The following DLK1 variants were observed in gnomAD, a reference collection of about 807,000 sequenced individuals.
DLK1 encodes the protein protein delta homolog 1.
A neutral mutation model predicts 35.2 loss-of-function variants in DLK1; 9 were observed. The observed-to-expected ratio is 0.26, with a 90% CI of 0.15 to 0.45. The LOEUF is 0.45. Ranked by LOEUF, DLK1 falls within the 20% of genes least tolerant of loss-of-function variation. The probability of loss-of-function intolerance (pLI) is 1.00; values close to 1 mark genes in which losing one functional copy is unlikely to be tolerated. For synonymous variants in DLK1, 231 were observed against 228.4 expected (o/e 1.01, Z -0.10); for missense variants, 522 against 528.5 (o/e 0.99, Z 0.12).
chr14:100,730,039 A>G (rs2036489603), intron 3 of DLK1, among the ~76,000 whole-genome samples: 1 of 152,216 alleles, frequency 6.6e-6, no homozygotes, highest in South Asian at 2.1e-4. Context: ...TCCTTCCTTA[A>G]GGAACACCTA....
Position 100,734,043 on chromosome 14 carries a change from C to T in DLK1, c.405-106C>T. On this transcript the variant is annotated intron_variant, in intron 4 of 4. Transcript: ENST00000341267. The surrounding 1 kb of genome is among the most constrained non-coding windows in gnomAD (Gnocchi z 7.4). ...CATTCACCTGATGTGTTTTAAGCAC[C>T]TGCCCCTTAGTCAGGCCAGGGACCT... 2 of 1,415,946 alleles carry T rather than the reference C, an allele frequency of 1.4e-6. No homozygotes were observed. The highest frequency in any genetic ancestry group is 1.9e-6 in the Non-Finnish European group (2 of 1,065,642). The allele number at this position is 1,415,946 out of a possible 1,614,324, so 87.7% of individuals were successfully genotyped here.
intron 2 of DLK1, 21 bp from the exon 3 acceptor site, chr14:100,728,915 T>A (rs1362271427): frequency 6.2e-7 from 1 of 1,612,324 alleles, no homozygotes; most frequent in South Asian, 1.1e-5. Context: ...TGTCCCCACC[T>A]TTCTCCCCCA....
In DLK1 at chr14:100,732,181, C is replaced by T. The variant is rs150016759; in HGVS notation, c.402C>T (p.Asn134=). 7.7e-4 allele frequency: 1,238 copies of T among 1,612,680 alleles called. 2 individuals are homozygous for T. The highest frequency in any genetic ancestry group is 9.6e-4 in the Admixed American group (57 of 59,658). ...AAAAGGACGGGCCCTGTGTGATCAA[C>T]GGGTAAATATCCTTCCTGTGTGTGA... ...CQKKDGPCVI[N]GSPCQHGGTC... The change falls in exon 4 of 5, where the codon AAC becomes AAT. Residue 134 remains asparagine (N), a splice_region_variant and synonymous_variant. Transcript: ENST00000341267.
rs78420139 is a variant in DLK1, at chr14:100,735,350, G to A, written c.*454G>A. On this transcript the variant is annotated 3_prime_UTR_variant, in exon 5 of 5. Coordinates refer to ENST00000341267, the MANE Select transcript of DLK1 (RefSeq NM_003836.7). Reference sequence around the variant, plus strand: ...TCGTTAATTCTCACACACCACATCCGACTCGCACTCACATCCAGCTCAACA... The same window carrying A: ...TCGTTAATTCTCACACACCACATCCAACTCGCACTCACATCCAGCTCAACA... 0.036 allele frequency: 5,531 copies of A among 154,514 alleles called. 169 individuals carry two copies. The highest frequency in any genetic ancestry group is 0.053 in the Non-Finnish European group (3,718 of 69,778). 9.6% of individuals were successfully genotyped at this position (154,514 alleles called of 1,614,324 possible).
rs2036595067 is a variant in DLK1 at position 100,738,170 on chromosome 14, A to G, written c.*3274A>G. 6.6e-6 allele frequency: 1 copy of G among 152,232 alleles called. No homozygotes were observed. Among genetic ancestry groups the G allele is most frequent in the Non-Finnish European group, 1.5e-5 (1 of 68,044 alleles). 9.4% of individuals were successfully genotyped at this position (152,232 alleles called of 1,614,324 possible). A position where few individuals can be genotyped will look rare whatever the true frequency, so the allele number is the denominator to read the frequency against. On this transcript the variant is annotated 3_prime_UTR_variant, in exon 5 of 5. Coordinates refer to ENST00000341267, the MANE Select transcript of DLK1 (RefSeq NM_003836.7). ...CTTTTTAGCTTTCCCGTTTACTACC[A>G]GTCCAGACATGCAAAAAAACCTTGT...
chr14:100,734,936 G>A lies in DLK1; in HGVS notation c.*40G>A, dbSNP rs7501. 1,929 of 1,530,392 alleles carry A rather than the reference G, an allele frequency of 1.3e-3. 14 individuals carry two copies. The highest frequency in any genetic ancestry group is 9.3e-3 in the South Asian group (734 of 79,238). 94.8% of individuals were successfully genotyped at this position (1,530,392 alleles called of 1,614,324 possible). Reference sequence around the variant, plus strand: ...GCCCCCTCTAGATTCTTGGAGTTCCGCAGAGCTTACTATACGCGGTCTGTC... The same window carrying A: ...GCCCCCTCTAGATTCTTGGAGTTCCACAGAGCTTACTATACGCGGTCTGTC... On this transcript the variant is annotated 3_prime_UTR_variant, in exon 5 of 5. Coordinates refer to ENST00000341267, the MANE Select transcript of DLK1 (RefSeq NM_003836.7). The surrounding 1 kb of genome is among the most constrained non-coding windows in gnomAD (Gnocchi z 7.4).
At chr14:100,728,357 C>A in intron 1 of DLK1, 39 bp from the exon 2 acceptor site, 3 of 1,610,616 alleles carry the variant, frequency 1.9e-6, no homozygotes, top group South Asian at 2.2e-5. Flanking sequence ...TGGCCTGGGG[C>A]CTGGTGGGGT....
At chr14:100,727,591 G>A (rs2036451381) in intron 1 of DLK1, among the ~76,000 whole-genome samples, 2 of 152,156 alleles carry the variant, frequency 1.3e-5, no homozygotes, top group East Asian at 1.9e-4. Flanking sequence ...TGCGTGGCGC[G>A]TTTCTGTAGG....
intron 3 of DLK1, among the ~76,000 whole-genome samples, chr14:100,731,616 C>A (rs1478724429): frequency 6.6e-6 from 1 of 152,106 alleles, no homozygotes; most frequent in Non-Finnish European, 1.5e-5. Flanking sequence ...CTGTATTCAT[C>A]CCCCGGCTGG....
rs543607675 is a variant in DLK1, at chr14:100,732,295, C to T, written c.404+112C>T. On this transcript the variant is annotated intron_variant, in intron 4 of 4. Transcript: ENST00000341267. Reference sequence around the variant, plus strand: ...GTCGTCTGACAAAAGATGAAGTAAGCGCTCATCCTGGCAGCCCCGTAGGGG... The same window carrying T: ...GTCGTCTGACAAAAGATGAAGTAAGTGCTCATCCTGGCAGCCCCGTAGGGG... 1.0e-5 allele frequency: 15 copies of T among 1,482,138 alleles called. No homozygotes were observed. In the East Asian group the frequency reaches 2.4e-4, roughly 24 times the overall value. 91.8% of individuals were successfully genotyped at this position (1,482,138 alleles called of 1,614,324 possible).
Position 100,734,476 on chromosome 14 carries a change from T to C in DLK1, c.732T>C (p.Cys244=). The change falls in exon 5 of 5, where the codon TGT becomes TGC. Residue 244 remains cysteine (C), a synonymous_variant. Coordinates refer to ENST00000341267, the MANE Select transcript of DLK1 (RefSeq NM_003836.7). The surrounding 1 kb of genome is among the most constrained non-coding windows in gnomAD (Gnocchi z 7.4). The stretch of plus-strand genomic sequence containing the variant: ...AGCCCGAGTTCACAGGTCTCACCTG[T>C]GTCAAGAAGCGCGCGCTGAGCCCCC... ...LCKPEFTGLT[C]VKKRALSPQQ... 1 of 1,611,456 alleles carries C rather than the reference T, an allele frequency of 6.2e-7. No homozygotes were observed. The highest frequency in any genetic ancestry group is 1.1e-5 in the South Asian group (1 of 91,010).
chr14:100,727,175 A>G (rs2036445071), intron 1 of DLK1, 40 bp downstream of exon 1: 1 of 1,518,782 alleles, frequency 6.6e-7, no homozygotes, highest in Non-Finnish European at 8.8e-7. Flanking sequence ...CCCTCTGGGG[A>G]AGCCTGCGAC....
chr14:100,731,940 C>T, intron 3 of DLK1, 102 bp from the exon 4 acceptor site: 1 of 1,432,860 alleles, frequency 7.0e-7, no homozygotes, highest in Non-Finnish European at 9.3e-7. Flanking sequence ...TACTCCAGAC[C>T]CCACTCGGTG....
chr14:100,727,678 C>A (rs2036452812), intron 1 of DLK1, among the ~76,000 whole-genome samples: 1 of 152,114 alleles, frequency 6.6e-6, no homozygotes, highest in Non-Finnish European at 1.5e-5. Context: ...CCTGCAGCGC[C>A]CCCCCACTCA....
intron 1 of DLK1, among the ~76,000 whole-genome samples, chr14:100,727,703 G>T (rs1442440308): frequency 6.6e-6 from 1 of 152,206 alleles, no homozygotes; most frequent in African/African-American, 2.4e-5. Flanking sequence ...ACCAGTGGTT[G>T]TAAGGGGGCT....
intron 4 of DLK1, among the ~76,000 whole-genome samples, chr14:100,733,295 G>A (rs965694293): frequency 2.7e-4 from 41 of 152,184 alleles, no homozygotes; most frequent in African/African-American, 8.0e-4. Flanking sequence ...AAGCAGCAGT[G>A]CTGATTTCTT....
In DLK1 at chr14:100,735,105, T is replaced by G; in HGVS notation, c.*209T>G. ...CTTAATGCATGATACAGAATAATAA[T>G]AAGAATTTCATCTTTAAATGAGTAA... On this transcript the variant is annotated 3_prime_UTR_variant, in exon 5 of 5. Coordinates refer to ENST00000341267, the MANE Select transcript of DLK1 (RefSeq NM_003836.7). 2.2e-6 allele frequency: 1 copy of G among 449,002 alleles called. No individual in the cohort carries two copies. The highest frequency in any genetic ancestry group is 3.7e-6 in the Non-Finnish European group (1 of 270,546). 27.8% of individuals were successfully genotyped at this position (449,002 alleles called of 1,614,324 possible).
chr14:100,728,942 G>A lies in DLK1; in HGVS notation c.138G>A (p.Gln46=), dbSNP rs1452725716. ...TCTCCCCCACCCATTGCAGGTGCCA[G>A]CCTGGCTGGCAGGGTCCCCTTTGTG... is the stretch of plus-strand genomic sequence containing the variant. ...FCEDDNVCRC[Q]PGWQGPLCDQ... Residue 46 remains glutamine, a synonymous_variant, in exon 3 of 5, where the codon CAG becomes CAA. Transcript: ENST00000341267. 6.2e-7 allele frequency: 1 copy of A among 1,613,764 alleles called. No individual in the cohort carries two copies. The highest frequency in any genetic ancestry group is 1.7e-5 in the Admixed American group (1 of 60,026).
rs113247320 is a variant in DLK1, at chr14:100,736,060, A to G, written c.*1164A>G. The G allele has an allele frequency of 6.6e-6, 1 of 152,202 alleles. No homozygotes were observed. The highest frequency in any genetic ancestry group is 2.4e-5 in the African/African-American group (1 of 41,438). 9.4% of individuals were successfully genotyped at this position (152,202 alleles called of 1,614,324 possible). On this transcript the variant is annotated 3_prime_UTR_variant, in exon 5 of 5. Transcript: ENST00000341267. Reference sequence around the variant, plus strand: ...TGGGGCGCTTACTAGTTTTGTGGCAAATGTGGTCCAAGACCTGGCCCACAC... The same window carrying G: ...TGGGGCGCTTACTAGTTTTGTGGCAGATGTGGTCCAAGACCTGGCCCACAC...
Sources: allele counts gnomAD v4.1 joint callset (sites outside exome capture counted in the v4.1 genomes callset), GRCh38; gene constraint gnomAD v4.1.1; non-coding constraint Gnocchi (gnomAD v3.1); transcripts MANE v1.5; gene names NCBI Gene and HGNC (gene_info 2026-07-23, HGNC 2026-07-21).